The following NOL4 variants were observed in gnomAD, a reference collection of about 807,000 sequenced individuals.
The protein encoded by NOL4 is nucleolar protein 4, also known as cancer/testis antigen 125.
A neutral mutation model predicts 75.9 loss-of-function variants in NOL4; 17 were observed. The observed-to-expected ratio is 0.22, with a 90% CI of 0.15 to 0.34. The LOEUF (loss-of-function observed/expected upper bound fraction) is 0.34. NOL4 is among the 10% of genes least tolerant of loss of function. The pLI is 1.00. For synonymous variants in NOL4, 292 were observed against 289.9 expected, an observed-to-expected ratio of 1.01 and a Z score of -0.07; for missense variants, 614 against 793.5, an observed-to-expected ratio of 0.77 and a Z score of 2.72.
chr18:34,138,584 C>A (rs2081000553), intron 1 of NOL4, among the ~76,000 whole-genome samples: 2 of 152,070 alleles, frequency 1.3e-5, no homozygotes. Context: ...GAATTATACA[C>A]TTTATATGAT....
At chr18:34,095,251 A>ATATGTGTGTGTG (rs2078719916) in intron 4 of NOL4, among the ~76,000 whole-genome samples, 6 of 144,408 alleles carry the variant, frequency 4.2e-5, no homozygotes, top group Non-Finnish European at 7.6e-5. Context: ...TCTAATGTGT[A>ATATGTGTGTGTG]TGTGTGTGTG....
intron 9 of NOL4, among the ~76,000 whole-genome samples, chr18:33,913,901 A>T (rs1452408899): frequency 6.6e-6 from 1 of 152,142 alleles, no homozygotes; most frequent in Non-Finnish European, 1.5e-5. Context: ...TAGTGCAGAG[A>T]AGACAAAGGG....
At chr18:34,164,555 C>T (rs1228680502) in intron 1 of NOL4, among the ~76,000 whole-genome samples, 2 of 152,156 alleles carry the variant, frequency 1.3e-5, no homozygotes, top group Non-Finnish European at 2.9e-5. Context: ...CATCTCACAC[C>T]ATTTAGAATG....
chr18:34,107,209 C>T (rs562210827), intron 2 of NOL4, among the ~76,000 whole-genome samples: 2 of 152,112 alleles, frequency 1.3e-5, no homozygotes, highest in South Asian at 4.1e-4. Context: ...CAGCATTTAG[C>T]CCCAAATCAA....
At chr18:34,209,194 C>CAAAAAAAA (rs777403436) in intron 1 of NOL4, among the ~76,000 whole-genome samples, 28 of 56,174 alleles carry the variant, frequency 5.0e-4, no homozygotes, top group Non-Finnish European at 7.0e-4. Context: ...ACTCTGTCTC[C>CAAAAAAAA]AAAAAAAAAA....
At chr18:33,997,308 C>T (rs2073365169) in intron 6 of NOL4, among the ~76,000 whole-genome samples, 1 of 151,850 alleles carries the variant, frequency 6.6e-6, no homozygotes, top group Non-Finnish European at 1.5e-5. Flanking sequence ...AGCCAATTAT[C>T]CCAGCAGCAT....
At chr18:34,023,467 G>A (rs1331819057) in intron 5 of NOL4, 1 of 456,216 alleles carries the variant, frequency 2.2e-6, no homozygotes, top group Non-Finnish European at 4.4e-6. Context: ...ATCCTGAGTA[G>A]CTGCTACACA....
At chr18:33,997,719 G>GTATATATACTCTATATACTTTA (rs2073398551) in intron 6 of NOL4, among the ~76,000 whole-genome samples, 2 of 148,436 alleles carry the variant, frequency 1.3e-5, no homozygotes, top group African/African-American at 4.9e-5. Context: ...TTATAGGTAA[G>GTATATATACTCTATATACTTTA]TATATATACT....
chr18:34,223,371 C>G lies in NOL4; in HGVS notation c.-118G>C, dbSNP rs780441869. ...CAGGGATGCGAGGTCCCGGCCGCAG[C>G]GGGAGCCTGCTTTGGGTGGGGGAAG... On this transcript the variant is annotated 5_prime_UTR_variant, in exon 1 of 11. Transcript: ENST00000261592. The G allele has an allele frequency of 6.3e-6, 9 of 1,433,522 alleles. No homozygotes were observed. In the South Asian group the frequency reaches 1.2e-4, roughly 20 times the overall value. The allele number at this position is 1,433,522 out of a possible 1,614,324, so 88.8% of individuals were successfully genotyped here. A position where few individuals can be genotyped will look rare whatever the true frequency, so the allele number is the denominator to read the frequency against.
At chr18:33,983,708 G>C (rs1219973844) in intron 6 of NOL4, among the ~76,000 whole-genome samples, 2 of 151,730 alleles carry the variant, frequency 1.3e-5, no homozygotes, top group African/African-American at 4.8e-5. Context: ...TTTAAACATT[G>C]TTGCTTTCAA....
intron 5 of NOL4, among the ~76,000 whole-genome samples, chr18:34,071,064 T>C (rs1212883950): frequency 6.6e-6 from 1 of 152,112 alleles, no homozygotes; most frequent in Non-Finnish European, 1.5e-5. Flanking sequence ...TAAACAACAG[T>C]GTATATTTCA....
intron 1 of NOL4, among the ~76,000 whole-genome samples, chr18:34,154,832 A>C (rs1005052164): frequency 2.0e-5 from 3 of 151,846 alleles, no homozygotes; most frequent in African/African-American, 7.2e-5. Context: ...ATTCTCTTTC[A>C]TTGTTGTCAT....
At chr18:34,168,889 A>T (rs960522841) in intron 1 of NOL4, among the ~76,000 whole-genome samples, 3 of 151,954 alleles carry the variant, frequency 2.0e-5, no homozygotes, top group Non-Finnish European at 4.4e-5. Context: ...AAAATAAACA[A>T]GATAGATATG....
intron 6 of NOL4, among the ~76,000 whole-genome samples, chr18:34,012,209 T>A (rs1006277514): frequency 3.3e-5 from 5 of 151,910 alleles, no homozygotes; most frequent in Non-Finnish European, 7.4e-5. Context: ...GGGTCTCAAT[T>A]TCCTCGTCTG....
chr18:33,976,038 G>A (rs940578434), intron 6 of NOL4, among the ~76,000 whole-genome samples: 2 of 152,106 alleles, frequency 1.3e-5, no homozygotes, highest in Non-Finnish European at 2.9e-5. Context: ...TGAGGATGGA[G>A]GGCCTTAGAG....
chr18:34,060,073 A>G (rs2077008340), intron 5 of NOL4, among the ~76,000 whole-genome samples: 1 of 152,162 alleles, frequency 6.6e-6, no homozygotes, highest in South Asian at 2.1e-4. Context: ...TCACAGAATC[A>G]CAAGAGATAC....
intron 5 of NOL4, among the ~76,000 whole-genome samples, chr18:34,042,314 C>G (rs1463826207): frequency 1.3e-5 from 2 of 151,936 alleles, no homozygotes; most frequent in African/African-American, 4.8e-5. Context: ...GACATCCCTC[C>G]CACCAAACCC....
chr18:34,028,994 C>CA (rs1471013524), intron 5 of NOL4, among the ~76,000 whole-genome samples: 2 of 151,942 alleles, frequency 1.3e-5, no homozygotes, highest in South Asian at 2.1e-4. Flanking sequence ...TTCCTTTTTC[C>CA]ATCCTTCTAT....
At chr18:34,175,705 T>G (rs1222717115) in intron 1 of NOL4, among the ~76,000 whole-genome samples, 1 of 152,128 alleles carries the variant, frequency 6.6e-6, no homozygotes, top group Admixed American at 6.6e-5. Flanking sequence ...TTCCAAGCAT[T>G]AAAGGAAATC....
Sources: gnomAD v4.1 joint callset for allele counts (sites outside exome capture counted in the v4.1 genomes callset) on GRCh38, gnomAD v4.1.1 for gene constraint, MANE v1.5 for transcripts, NCBI Gene and HGNC (gene_info 2026-07-23, HGNC 2026-07-21) for gene names.